SMG8: variants seen among roughly 807,000 people sequenced by gnomAD.
SMG8 encodes the protein SMG8 nonsense mediated mRNA decay factor.
A neutral mutation model predicts 82.1 loss-of-function variants in SMG8; 49 were observed. That is an observed-to-expected ratio of 0.60 (90% CI 0.47 to 0.76). SMG8 has a LOEUF of 0.76. Ranked by LOEUF, SMG8 falls within the 30% of genes least tolerant of loss-of-function variation. The probability of loss-of-function intolerance (pLI) is 0.00; values close to 1 mark genes in which losing one functional copy is unlikely to be tolerated. For missense variants in SMG8, 969 were observed against 1,166.4 expected (o/e 0.83, Z 2.46); for synonymous variants, 404 against 430.0 (o/e 0.94, Z 0.75).
At position 59,210,302 on chromosome 17, in the gene SMG8, A is replaced by G; in HGVS notation, c.251A>G (p.Asp84Gly). 6.2e-7 allele frequency: 1 copy of G among 1,613,060 alleles called. No homozygotes were observed. The highest frequency in any genetic ancestry group is 1.3e-5 in the African/African-American group (1 of 75,022). The change falls in exon 1 of 4, where the codon GAT (aspartate) becomes GGT (glycine). Residue 84 changes from aspartate to glycine, a missense_variant. By Grantham distance (94) the Asp-to-Gly change is moderately conservative. Coordinates refer to ENST00000300917, the MANE Select transcript of SMG8 (RefSeq NM_018149.7). ...RQVFPLFRHQDPGDPGPGIRT... is the reference protein window; with the variant it reads ...RQVFPLFRHQGPGDPGPGIRT... Reference sequence around the variant, plus strand: ...GTCTTTCCTCTCTTTCGCCACCAAGATCCTGGGGATCCAGGACCTGGAATC... The same window carrying G: ...GTCTTTCCTCTCTTTCGCCACCAAGGTCCTGGGGATCCAGGACCTGGAATC...
rs1425214876 is a variant in SMG8 at position 59,210,222 on chromosome 17, T to C, written c.171T>C (p.Ala57=). Residue 57 remains alanine (A), a synonymous_variant, in exon 1 of 4, where the codon GCT becomes GCC. Coordinates refer to ENST00000300917, the MANE Select transcript of SMG8 (RefSeq NM_018149.7). The stretch of plus-strand genomic sequence containing the variant: ...TTGTGGGAATCTTCGGCAAGACGGC[T>C]CTACGCCTGAATTCCGAGAAGTTCT... ...ICVVGIFGKT[A]LRLNSEKFSL... 5.0e-6 allele frequency: 8 copies of C among 1,608,084 alleles called. No homozygotes were observed. Among genetic ancestry groups the C allele is most frequent in the Non-Finnish European group, 5.9e-6 (7 of 1,177,144 alleles).
intron 1 of SMG8, chr17:59,212,034 AGT>A (rs1330126564): frequency 4.5e-6 from 2 of 444,060 alleles, no homozygotes; most frequent in East Asian, 3.4e-5. Context: ...TGAATTGGTA[AGT>A]GAGAATTATT....
rs768127656 is a variant in SMG8 at position 59,212,895 on chromosome 17, C to T, written c.2072C>T (p.Thr691Met). The T allele has an allele frequency of 5.0e-6, 8 of 1,613,950 alleles. No individual in the cohort carries two copies. Among genetic ancestry groups the T allele is most frequent in the South Asian group, 3.3e-5 (3 of 91,080 alleles). ...GAACCTCAAACCCAAGGAGAGAGCA[C>T]GAGCCTGAGTTTAGCTTTGAGTTTG... ...EKEPQTQGES[T>M]SLSLALSLGQ... The change falls in exon 3 of 4, where the codon ACG (threonine) becomes ATG (methionine). Residue 691 changes from threonine (T) to methionine (M), a missense_variant. By Grantham distance (81) the Thr-to-Met change is moderately conservative. This residue lies in a region of SMG8 where 662 missense variants were observed against 884.8 expected (regional missense o/e 0.75). Transcript: ENST00000300917.
In SMG8 at chr17:59,210,521, G is replaced by C. The variant is rs1182928081; in HGVS notation, c.470G>C (p.Cys157Ser). 1.3e-6 allele frequency: 2 copies of C among 1,566,226 alleles called. No individual in the cohort carries two copies. The highest frequency in any genetic ancestry group is 3.9e-5 in the Admixed American group (2 of 51,396). Residue 157 changes from cysteine (C) to serine (S), a missense_variant, in exon 1 of 4, where the codon TGT (cysteine) becomes TCT (serine). Transcript: ENST00000300917. ...CTGTATCTTCTCCTCACCTCCATCT[G>C]TGACAATTCACAGCTTCTCCGGGCT... ...KVLYLLLTSI[C>S]DNSQLLRACR... is the part of the protein sequence containing the mutation.
At position 59,215,021 on chromosome 17, in the gene SMG8, A is replaced by T; in HGVS notation, c.*19A>T. 1 of 866,482 alleles carries T rather than the reference A, an allele frequency of 1.2e-6. No homozygotes were observed. 53.7% of individuals were successfully genotyped at this position (866,482 alleles called of 1,614,324 possible). On this transcript the variant is annotated 3_prime_UTR_variant, in exon 4 of 4. Transcript: ENST00000300917. ...ACAATAAGTGTTTTCCAGCCAGTTC[A>T]ATCCTATACTTGAGCTGGTTTTTGT...
chr17:59,210,076 G>C lies in SMG8; in HGVS notation c.25G>C (p.Asp9His). MAGPVSLR[D>H]LLMGASAWMG... The stretch of plus-strand genomic sequence containing the variant: ...TATGGCTGGTCCCGTGAGCTTGCGA[G>C]ACCTTCTAATGGGAGCATCAGCCTG... Residue 9 changes from aspartate (D) to histidine (H), a missense_variant, in exon 1 of 4, where the codon GAC becomes CAC. Physicochemically the swap from Asp to His is moderately conservative, Grantham distance 81. Transcript: ENST00000300917. 1.3e-6 allele frequency: 2 copies of C among 1,571,166 alleles called. No homozygotes were observed. Among genetic ancestry groups the C allele is most frequent in the African/African-American group, 2.7e-5 (2 of 73,302 alleles).
rs772947356 is a variant in SMG8 at position 59,210,824 on chromosome 17, G to T, written c.773G>T (p.Cys258Phe). Residue 258 changes from cysteine to phenylalanine, a missense_variant, in exon 1 of 4, where the codon TGC (cysteine) becomes TTC (phenylalanine). Cys to Phe is a radical substitution (Grantham distance 205). Transcript: ENST00000300917. ...CPVGKDWKLN[C>F]RPCPPRLLFL... Reference sequence around the variant, plus strand: ...GTTGGCAAAGACTGGAAGCTAAACTGCCGACCTTGCCCACCTAGACTCCTT... The same window carrying T: ...GTTGGCAAAGACTGGAAGCTAAACTTCCGACCTTGCCCACCTAGACTCCTT... 3 of 1,614,004 alleles carry T rather than the reference G, an allele frequency of 1.9e-6. No homozygotes were observed. The highest frequency in any genetic ancestry group is 2.5e-6 in the Non-Finnish European group (3 of 1,180,040).
chr17:59,210,059 G>C lies in SMG8; in HGVS notation c.8G>C (p.Gly3Ala), dbSNP rs368076111. The change falls in exon 1 of 4, where the codon GGT becomes GCT. Residue 3 changes from glycine to alanine, a missense_variant. Around this residue, in one of 3 missense-constraint regions of SMG8, gnomAD observed 206 missense variants for 190.5 expected, o/e 1.08. Transcript: ENST00000300917. MA[G>A]PVSLRDLLMG... is the part of the protein sequence containing the mutation. ...TAGAGAACGCTCTGCACTATGGCTG[G>C]TCCCGTGAGCTTGCGAGACCTTCTA... 177 of 1,559,458 alleles carry C rather than the reference G, an allele frequency of 1.1e-4. No homozygotes were observed. The highest frequency in any genetic ancestry group is 1.0e-3 in the Middle Eastern group (6 of 5,758).
rs777248686 is a variant in SMG8 at position 59,211,218 on chromosome 17, ACTTTC to A, written c.1173_1177del (p.Phe392HisfsTer2). 7.4e-6 allele frequency: 12 copies of A among 1,613,992 alleles called. No homozygotes were observed. The highest frequency in any genetic ancestry group is 1.3e-5 in the African/African-American group (1 of 74,910). ...TGATGAGGCAGCACAGCCGACAACA[ACTTTC>A]CTTTCACATTGACAGCAGCAGTTCC... On this transcript the variant is annotated frameshift_variant, in exon 1 of 4. Transcript: ENST00000300917. LOFTEE classifies it high-confidence loss of function.
At chr17:59,214,755 T>C in intron 3 of SMG8, 50 bp from the exon 4 acceptor site, 1 of 854,130 alleles carries the variant, frequency 1.2e-6, no homozygotes, top group Admixed American at 1.7e-5. Context: ...ATCTTTCAGT[T>C]GTTTCATATT....
chr17:59,210,240 G>A lies in SMG8; in HGVS notation c.189G>A (p.Glu63=), dbSNP rs1362721170. ...FGKTALRLNS[E]KFSLVNTVCD... is the part of the protein sequence containing the mutation. ...AGACGGCTCTACGCCTGAATTCCGA[G>A]AAGTTCTCTCTTGTGAATACGGTGT... Residue 63 remains glutamate, a synonymous_variant, in exon 1 of 4, where the codon GAG becomes GAA. Coordinates refer to ENST00000300917, the MANE Select transcript of SMG8 (RefSeq NM_018149.7). The A allele has an allele frequency of 3.1e-6, 5 of 1,611,316 alleles. No homozygotes were observed. In the African/African-American group the frequency reaches 6.7e-5, roughly 22 times the overall value.
Position 59,210,933 on chromosome 17 carries a change from T to G in SMG8, c.882T>G (p.His294Gln). 6.2e-7 allele frequency: 1 copy of G among 1,614,110 alleles called. No homozygotes were observed. Among genetic ancestry groups the G allele is most frequent in the Non-Finnish European group, 8.5e-7 (1 of 1,180,010 alleles). ...DPAHPDKPKK[H>Q]SPKRRLQHAL... The stretch of plus-strand genomic sequence containing the variant: ...CTCATCCAGACAAGCCCAAGAAACA[T>G]TCTCCCAAAAGGAGGCTGCAGCATG... Residue 294 changes from histidine (H) to glutamine (Q), a missense_variant, in exon 1 of 4, where the codon CAT becomes CAG. Coordinates refer to ENST00000300917, the MANE Select transcript of SMG8 (RefSeq NM_018149.7).
chr17:59,214,932 C>A lies in SMG8; in HGVS notation c.2906C>A (p.Pro969His), dbSNP rs766751092. The A allele has an allele frequency of 2.3e-6, 2 of 872,904 alleles. No homozygotes were observed. The highest frequency in any genetic ancestry group is 1.3e-5 in the South Asian group (1 of 76,540). The allele number at this position is 872,904 out of a possible 1,614,324, so 54.1% of individuals were successfully genotyped here. A position where few individuals can be genotyped will look rare whatever the true frequency, so the allele number is the denominator to read the frequency against. Residue 969 changes from proline (P) to histidine (H), a missense_variant, in exon 4 of 4, where the codon CCC becomes CAC. By Grantham distance (77) the Pro-to-His change is moderately conservative. Transcript: ENST00000300917. The part of the protein sequence containing the change: ...AYVTERGPCF[P>H]PKENVQLMSY... ...GTGACTGAGAGAGGACCTTGTTTCCCCCCTAAGGAAAATGTGCAGTTAATG... is the reference window on the plus strand; with the variant it reads ...GTGACTGAGAGAGGACCTTGTTTCCACCCTAAGGAAAATGTGCAGTTAATG...
chr17:59,210,784 A>G lies in SMG8; in HGVS notation c.733A>G (p.Ile245Val). Residue 245 changes from isoleucine (I) to valine (V), a missense_variant, in exon 1 of 4, where the codon ATT becomes GTT. By Grantham distance (29) the Ile-to-Val change is conservative (BLOSUM62 3). This residue lies in a region of SMG8 where 662 missense variants were observed against 884.8 expected (regional missense o/e 0.75). Coordinates refer to ENST00000300917, the MANE Select transcript of SMG8 (RefSeq NM_018149.7). ...GGTCCTGCCGCTCCTTAAAACAGCCATTAAGGATTGTCCAGTTGGCAAAGA... is the reference window on the plus strand; with the variant it reads ...GGTCCTGCCGCTCCTTAAAACAGCCGTTAAGGATTGTCCAGTTGGCAAAGA... ...QKVLPLLKTA[I>V]KDCPVGKDWK... is the part of the protein sequence containing the mutation. 1 of 1,614,152 alleles carries G rather than the reference A, an allele frequency of 6.2e-7. No homozygotes were observed. The highest frequency in any genetic ancestry group is 1.1e-5 in the South Asian group (1 of 91,080).
intron 3 of SMG8, among the ~76,000 whole-genome samples, chr17:59,214,226 G>A (rs745647022): frequency 6.6e-6 from 1 of 152,148 alleles, no homozygotes; most frequent in Middle Eastern, 3.4e-3. Flanking sequence ...AGCGGAGGTT[G>A]CAGTGAGCCG....
intron 1 of SMG8, 42 bp from the exon 2 acceptor site, chr17:59,212,299 C>G: frequency 6.6e-7 from 1 of 1,513,442 alleles, no homozygotes; most frequent in South Asian, 1.3e-5. Flanking sequence ...TAAATTCGCA[C>G]ATTGTGTTTA....
rs1395231105 is a variant in SMG8, at chr17:59,214,990, A to G, written c.2964A>G (p.Ala988=). ...SYKVLRGVLK[A]VTQ Reference sequence around the variant, plus strand: ...AGGTGCTCCGTGGGGTTCTTAAGGCAGTAACACAATAAGTGTTTTCCAGCC... The same window carrying G: ...AGGTGCTCCGTGGGGTTCTTAAGGCGGTAACACAATAAGTGTTTTCCAGCC... The change falls in exon 4 of 4, where the codon GCA becomes GCG. Residue 988 remains alanine (A), a synonymous_variant. Transcript: ENST00000300917. 1 of 872,946 alleles carries G rather than the reference A, an allele frequency of 1.1e-6. No homozygotes were observed. Among genetic ancestry groups the G allele is most frequent in the South Asian group, 1.3e-5 (1 of 76,544 alleles). 54.1% of individuals were successfully genotyped at this position (872,946 alleles called of 1,614,324 possible). A position where few individuals can be genotyped will look rare whatever the true frequency, so the allele number is the denominator to read the frequency against.
chr17:59,212,887 A>C lies in SMG8; in HGVS notation c.2064A>C (p.Gly688=). 1 of 1,614,152 alleles carries C rather than the reference A, an allele frequency of 6.2e-7. No individual in the cohort carries two copies. The highest frequency in any genetic ancestry group is 8.5e-7 in the Non-Finnish European group (1 of 1,180,038). The change falls in exon 3 of 4, where the codon GGA becomes GGC. Residue 688 remains glycine, a synonymous_variant. Coordinates refer to ENST00000300917, the MANE Select transcript of SMG8 (RefSeq NM_018149.7). ...AAGAAAAAGAACCTCAAACCCAAGG[A>C]GAGAGCACGAGCCTGAGTTTAGCTT... ...KLKEKEPQTQ[G]ESTSLSLALS...
Position 59,214,866 on chromosome 17 carries a change from C to T in SMG8, c.2840C>T (p.Pro947Leu). The change falls in exon 4 of 4, where the codon CCA becomes CTA. Residue 947 changes from proline to leucine, a missense_variant. Coordinates refer to ENST00000300917, the MANE Select transcript of SMG8 (RefSeq NM_018149.7). The stretch of plus-strand genomic sequence containing the variant: ...CCAGAAAAACAAGAAATCACCCTTC[C>T]ACCTGATGGCCTTTGGGTTTTGAGA... ...FYPEKQEITL[P>L]PDGLWVLRFP... The T allele has an allele frequency of 2.3e-6, 2 of 872,988 alleles. No homozygotes were observed. Among genetic ancestry groups the T allele is most frequent in the South Asian group, 1.3e-5 (1 of 76,552 alleles). The allele number at this position is 872,988 out of a possible 1,614,324, so 54.1% of individuals were successfully genotyped here.
Sources: gnomAD v4.1 joint callset for allele counts (sites outside exome capture counted in the v4.1 genomes callset) on GRCh38, gnomAD v4.1.1 for gene constraint, gnomAD v4.1.1 regional missense constraint, MANE v1.5 for transcripts, NCBI Gene and HGNC (gene_info 2026-07-23, HGNC 2026-07-21) for gene names.